The following SYNE2 variants were observed in gnomAD, a reference collection of about 807,000 sequenced individuals.
The protein encoded by SYNE2 is nesprin-2.
In SYNE2, 431 loss-of-function variants were observed where a neutral mutation model predicts 856.3. The ratio of observed to expected loss-of-function variants is 0.50; its 90% CI spans 0.47 to 0.55. The LOEUF (loss-of-function observed/expected upper bound fraction) is 0.55, where lower values mean the gene tolerates loss of function less well. Among genes scored for constraint, SYNE2 ranks in the 20% least tolerant of loss-of-function variants. The pLI is 0.00. For synonymous variants in SYNE2, 2,923 were observed against 2,872.3 expected (o/e 1.02, Z -0.56); for missense variants, 8,129 against 8,023.2 (o/e 1.01, Z -0.50).
intron 43 of SYNE2, among the ~76,000 whole-genome samples, chr14:64,028,359 G>A (rs79851866): frequency 0.026 from 4,013 of 152,134 alleles, 51 homozygotes; most frequent in Middle Eastern, 0.048. Context: ...AGGCTCAAGC[G>A]ATCCTCCCAC....
chr14:64,208,995 A>G lies in SYNE2; in HGVS notation c.18389+50A>G, dbSNP rs375970152. The G allele has an allele frequency of 5.9e-5, 94 of 1,589,328 alleles. 2 individuals carry two copies. Among genetic ancestry groups the G allele is most frequent in the Middle Eastern group, 3.5e-4 (2 of 5,656 alleles). ...CCTTCAGCGTGGTCAGCCGAACTCA[A>G]TACACCCTTCTGACCTCATTCACAG... On this transcript the variant is annotated intron_variant, in intron 101 of 115. Transcript: ENST00000555002.
intron 85 of SYNE2, 47 bp from the exon 86 acceptor site, chr14:64,158,578 T>A: frequency 6.2e-7 from 1 of 1,600,478 alleles, no homozygotes; most frequent in East Asian, 2.2e-5. Flanking sequence ...GGAGAGCATG[T>A]CTTCTCAGTG....
At chr14:64,175,713 A>C (rs182198898) in intron 95 of SYNE2, among the ~76,000 whole-genome samples, 22 of 152,012 alleles carry the variant, frequency 1.4e-4, no homozygotes, top group Admixed American at 3.3e-4. Context: ...CAAACTGTCT[A>C]TTTTTACTTT....
At chr14:63,920,586 T>A (rs1176433672) in intron 2 of SYNE2, among the ~76,000 whole-genome samples, 1 of 150,540 alleles carries the variant, frequency 6.6e-6, no homozygotes, top group Non-Finnish European at 1.5e-5. Context: ...AAAACTTGTT[T>A]TAGAAATTCC....
chr14:64,155,624 A>T (rs1211283692), intron 85 of SYNE2, among the ~76,000 whole-genome samples: 9 of 151,906 alleles, frequency 5.9e-5, no homozygotes, highest in Admixed American at 5.9e-4. Context: ...ATCCATCTAT[A>T]AGCTGTCAAG....
intron 61 of SYNE2, among the ~76,000 whole-genome samples, chr14:64,096,611 A>C (rs955318008): frequency 1.3e-5 from 2 of 152,220 alleles, no homozygotes; most frequent in African/African-American, 4.8e-5. Context: ...TAAGTCAAAC[A>C]GTTGTTATTT....
chr14:64,199,713 C>CAA (rs34710996), intron 99 of SYNE2, among the ~76,000 whole-genome samples: 349 of 65,228 alleles, frequency 5.4e-3, no homozygotes, highest in Non-Finnish European at 5.8e-3. Flanking sequence ...GACTCTGTCT[C>CAA]AAAAAAAAAA....
intron 1 of SYNE2, among the ~76,000 whole-genome samples, chr14:63,839,609 C>T (rs1889979176): frequency 6.6e-6 from 1 of 151,904 alleles, no homozygotes; most frequent in Non-Finnish European, 1.5e-5. Flanking sequence ...GTGGGAGGAC[C>T]CTTTGAGACT....
intron 49 of SYNE2, among the ~76,000 whole-genome samples, chr14:64,061,564 GAA>G (rs936872429): frequency 6.6e-6 from 1 of 152,182 alleles, no homozygotes; most frequent in Non-Finnish European, 1.5e-5. Context: ...TGATGAGTAA[GAA>G]GAGGTATTTC....
At chr14:64,136,930 A>G (rs1480628348) in intron 78 of SYNE2, among the ~76,000 whole-genome samples, 1 of 152,176 alleles carries the variant, frequency 6.6e-6, no homozygotes, top group Non-Finnish European at 1.5e-5. Context: ...GGAAAAGGAG[A>G]GGGAGTAGGC....
chr14:64,148,603 C>T (rs954605135), intron 84 of SYNE2, among the ~76,000 whole-genome samples: 4 of 152,210 alleles, frequency 2.6e-5, no homozygotes. Context: ...CCCCCTCCCT[C>T]ACCACGTGCC....
chr14:63,830,266 T>G (rs1889621426), intron 1 of SYNE2, among the ~76,000 whole-genome samples: 2 of 145,798 alleles, frequency 1.4e-5, no homozygotes, highest in Non-Finnish European at 3.0e-5. Flanking sequence ...AGTGTGAGGT[T>G]TTTTTTTTTT....
At chr14:63,997,419 A>G (rs754494249) in intron 25 of SYNE2, 28 bp downstream of exon 25, 70 of 1,554,748 alleles carry the variant, frequency 4.5e-5, no homozygotes, top group Non-Finnish European at 5.6e-5. Flanking sequence ...TGTATTTTAG[A>G]AGTAAACCCA....
chr14:64,132,221 T>G, intron 76 of SYNE2, 44 bp from the exon 77 acceptor site: 1 of 1,607,396 alleles, frequency 6.2e-7, no homozygotes, highest in Non-Finnish European at 8.5e-7. Flanking sequence ...TTTAAGAGTT[T>G]TCACAATTTC....
intron 1 of SYNE2, among the ~76,000 whole-genome samples, chr14:63,774,934 C>T (rs1445893920): frequency 1.3e-5 from 2 of 152,000 alleles, no homozygotes; most frequent in African/African-American, 4.8e-5. Context: ...GAAGGGCAAT[C>T]TGCCAGTATT....
rs2153476242 is a variant in SYNE2, at chr14:63,983,851, G to A, written c.2116G>A (p.Val706Ile). Residue 706 changes from valine to isoleucine, a missense_variant, in exon 18 of 116, where the codon GTA becomes ATA. Around this residue, in one of 3 missense-constraint regions of SYNE2, gnomAD observed 2,422 missense variants for 2,357.4 expected, o/e 1.03. Coordinates refer to ENST00000555002, the MANE Select transcript of SYNE2 (RefSeq NM_182914.3). ...ATVEFSTDMS[V>I]ELPENYNQNI... ...TGTTGAGTTTTCAACAGATATGTCA[G>A]TAGAACTTCCTGAAAATTATAATCA... The A allele has an allele frequency of 6.3e-7, 1 of 1,582,618 alleles. No individual in the cohort carries two copies. The highest frequency in any genetic ancestry group is 8.7e-7 in the Non-Finnish European group (1 of 1,153,868).
At chr14:64,019,073 C>G (rs754235891) in intron 34 of SYNE2, among the ~76,000 whole-genome samples, 7 of 152,096 alleles carry the variant, frequency 4.6e-5, no homozygotes, top group Admixed American at 1.3e-4. Flanking sequence ...GAGTTTGAGA[C>G]CAGCCTGGCC....
intron 30 of SYNE2, 121 bp downstream of exon 30, chr14:64,003,451 G>A: frequency 1.5e-6 from 2 of 1,295,126 alleles, no homozygotes; most frequent in African/African-American, 1.5e-5. Flanking sequence ...ACTCTATTCA[G>A]TGTTCAGCAT....
upstream of SYNE2, among the ~76,000 whole-genome samples, chr14:63,850,048 G>T: frequency 6.6e-6 from 1 of 150,568 alleles, no homozygotes. Context: ...ACAGAGGATT[G>T]ATGGGGCATG....
Sources: allele counts gnomAD v4.1 joint callset (sites outside exome capture counted in the v4.1 genomes callset), GRCh38; gene constraint gnomAD v4.1.1; regional missense constraint gnomAD v4.1.1; transcripts MANE v1.5; gene names NCBI Gene and HGNC (gene_info 2026-07-23, HGNC 2026-07-21).